Variants in CTSF observed in about 807,000 individuals in gnomAD.
CTSF encodes the protein cathepsin F.
In CTSF, 65 loss-of-function variants were observed where a neutral mutation model predicts 63.5. The observed-to-expected ratio is 1.02, with a 90% CI of 0.84 to 1.26. The LOEUF (loss-of-function observed/expected upper bound fraction) is 1.26. CTSF is among the 50% of genes most tolerant of loss of function. The probability of loss-of-function intolerance (pLI) is 0.00; values close to 1 mark genes in which losing one functional copy is unlikely to be tolerated. For missense variants in CTSF, 641 were observed against 631.0 expected, an observed-to-expected ratio of 1.02 and a Z score of -0.17; for synonymous variants, 256 against 258.1, an observed-to-expected ratio of 0.99 and a Z score of 0.08.
chr11:66,566,285 C>G lies in CTSF; in HGVS notation c.721+6G>C, dbSNP rs752659327. The G allele has an allele frequency of 6.2e-7, 1 of 1,614,172 alleles. No individual in the cohort carries two copies. Among genetic ancestry groups the G allele is most frequent in the East Asian group, 2.2e-5 (1 of 44,880 alleles). On this transcript the variant is annotated splice_donor_region_variant and intron_variant, in intron 5 of 12. Transcript: ENST00000310325. Reference sequence around the variant, plus strand: ...GATCCATGAGGACTGTGGCCACTATCCCTACCTGTGAGATCACTGAACTTG... The same window carrying G: ...GATCCATGAGGACTGTGGCCACTATGCCTACCTGTGAGATCACTGAACTTG...
chr11:66,567,884 C>T, intron 2 of CTSF, 100 bp downstream of exon 2: 1 of 1,458,176 alleles, frequency 6.9e-7, no homozygotes, highest in Non-Finnish European at 9.2e-7. Flanking sequence ...GGTGGGGCAG[C>T]AGCTACCTCA....
Position 66,564,634 on chromosome 11 carries a change from C to T in CTSF, c.1245G>A (p.Gly415=), listed in dbSNP as rs1055013673. The T allele has an allele frequency of 3.1e-6, 5 of 1,609,130 alleles. No homozygotes were observed. Among genetic ancestry groups the T allele is most frequent in the Non-Finnish European group, 4.2e-6 (5 of 1,177,756 alleles). ...AGAGGGGCCGGAGAGGGCGGGAGAT[C>T]CCGTGGCGGTAAAACTGGAGGTGGA... is the stretch of plus-strand genomic sequence containing the variant. The part of the protein sequence containing the change: ...NAFGMQFYRH[G]ISRPLRPLCS... Residue 415 remains glycine, a synonymous_variant, in exon 11 of 13, where the codon GGG becomes GGA. Coordinates refer to ENST00000310325, the MANE Select transcript of CTSF (RefSeq NM_003793.4).
At position 66,568,310 on chromosome 11, in the gene CTSF, C is replaced by T. The variant is rs533565350; in HGVS notation, c.177G>A (p.Arg59=). The T allele has an allele frequency of 4.5e-5, 60 of 1,335,026 alleles. 1 individual carries two copies. The South Asian group carries it at 1.1e-3, about 25-fold the overall frequency. 82.7% of individuals were successfully genotyped at this position (1,335,026 alleles called of 1,614,324 possible). A position where few individuals can be genotyped will look rare whatever the true frequency, so the allele number is the denominator to read the frequency against. ...GGCCGCGCACAAGGCCCAGCACGGC[C>T]CGCGTCCCCGCAGCCCGGCCGCGGT... is the stretch of plus-strand genomic sequence containing the variant. ...MFNRGRAAGT[R]AVLGLVRGRV... is the part of the protein sequence containing the mutation. Residue 59 remains arginine, a synonymous_variant, in exon 1 of 13, where the codon CGG becomes CGA. Transcript: ENST00000310325.
chr11:66,564,238 CCTA>C (rs1857875926), intron 11 of CTSF, 92 bp from the exon 12 acceptor site: 2 of 1,443,396 alleles, frequency 1.4e-6, no homozygotes, highest in African/African-American at 1.4e-5. Flanking sequence ...TTGCACTGGG[CCTA>C]CTGTGTGACA....
intron 8 of CTSF, 134 bp from the exon 9 acceptor site, chr11:66,565,140 A>C: frequency 7.1e-7 from 1 of 1,399,488 alleles, no homozygotes; most frequent in South Asian, 1.5e-5. Context: ...CCTCTGAAGA[A>C]TGTCTTCATT....
At chr11:66,564,282 C>A in intron 11 of CTSF, 136 bp from the exon 12 acceptor site, 2 of 1,146,072 alleles carry the variant, frequency 1.7e-6, no homozygotes, top group Non-Finnish European at 1.2e-6. Context: ...AAGCGAGGGG[C>A]CCACCTACCA....
rs200423355 is a variant in CTSF at position 66,565,961 on chromosome 11, G to A, written c.868-34C>T. On this transcript the variant is annotated intron_variant, in intron 6 of 12. Transcript: ENST00000310325. ...GATGGGTGGAGTTGGAGTCAGAGCCGGGCCCCTTCGTCAGCCCCAGTGCAG... is the reference window on the plus strand; with the variant it reads ...GATGGGTGGAGTTGGAGTCAGAGCCAGGCCCCTTCGTCAGCCCCAGTGCAG... 7.9e-4 allele frequency: 1,270 copies of A among 1,614,080 alleles called. No homozygotes were observed. Among genetic ancestry groups the A allele is most frequent in the Non-Finnish European group, 9.7e-4 (1,145 of 1,180,000 alleles).
chr11:66,568,019 T>A lies in CTSF; in HGVS notation c.277A>T (p.Met93Leu). 1 of 1,601,516 alleles carries A rather than the reference T, an allele frequency of 6.2e-7. No homozygotes were observed. The highest frequency in any genetic ancestry group is 1.1e-5 in the South Asian group (1 of 89,908). The change falls in exon 2 of 13, where the codon ATG (methionine) becomes TTG (leucine). Residue 93 changes from methionine (M) to leucine (L), a missense_variant. Coordinates refer to ENST00000310325, the MANE Select transcript of CTSF (RefSeq NM_003793.4). ...TLEEPPCNDP[M>L]VCRLPVSKKT... The stretch of plus-strand genomic sequence containing the variant: ...TTGGACACGGGGAGCCGGCACACCA[T>A]GGGGTCGTTGCAGGGTGGCTCCTCC...
Position 66,567,518 on chromosome 11 carries a change from G to A in CTSF, c.457C>T (p.Gln153Ter), listed in dbSNP as rs775543574. ...QGSAMISSLS[Q>*]NHPDNRNETF... ...TCGTTTCTGTTGTCTGGATGGTTTTGGGACAGAGAAGAAATCATGGCTGAG... is the reference window on the plus strand; with the variant it reads ...TCGTTTCTGTTGTCTGGATGGTTTTAGGACAGAGAAGAAATCATGGCTGAG... The change falls in exon 3 of 13, where the codon CAA becomes TAA. Residue 153 changes from glutamine to a stop codon, truncating the protein, a stop_gained. Transcript: ENST00000310325. LOFTEE classifies it high-confidence loss of function. 1 of 1,614,078 alleles carries A rather than the reference G, an allele frequency of 6.2e-7. No individual in the cohort carries two copies. Among genetic ancestry groups the A allele is most frequent in the South Asian group, 1.1e-5 (1 of 91,088 alleles).
At chr11:66,565,590 T>G in intron 8 of CTSF, 81 bp downstream of exon 8, 2 of 1,575,796 alleles carry the variant, frequency 1.3e-6, no homozygotes, top group Non-Finnish European at 1.7e-6. Flanking sequence ...CTCATGCTCA[T>G]GTCTCCCCCC....
At position 66,563,997 on chromosome 11, in the gene CTSF, T is replaced by C. The variant is rs979461288; in HGVS notation, c.1391A>G (p.Tyr464Cys). The C allele has an allele frequency of 6.2e-7, 1 of 1,613,532 alleles. No homozygotes were observed. Among genetic ancestry groups the C allele is most frequent in the Non-Finnish European group, 8.5e-7 (1 of 1,179,940 alleles). Residue 464 changes from tyrosine to cysteine, a missense_variant, in exon 13 of 13, where the codon TAC becomes TGC. Physicochemically the swap from Tyr to Cys is radical, Grantham distance 194. Transcript: ENST00000310325. ...GTDWGEKGYYYLHRGSGACGV... is the reference protein window; with the variant it reads ...GTDWGEKGYYCLHRGSGACGV... Reference sequence around the variant, plus strand: ...ACAGGCCCCGGACCCACGATGCAAGTAGTAGTAACCCTGGGGGAGAGGGGG... The same window carrying C: ...ACAGGCCCCGGACCCACGATGCAAGCAGTAGTAACCCTGGGGGAGAGGGGG...
At position 66,568,474 on chromosome 11, in the gene CTSF, GC is replaced by G. The variant is rs1171463654; in HGVS notation, c.12del (p.Trp4CysfsTer144). The G allele has an allele frequency of 2.7e-6, 4 of 1,474,804 alleles. No homozygotes were observed. The African/African-American group carries it at 5.9e-5, about 22-fold the overall frequency. The allele number at this position is 1,474,804 out of a possible 1,614,324, so 91.4% of individuals were successfully genotyped here. On this transcript the variant is annotated frameshift_variant, in exon 1 of 13. Transcript: ENST00000310325. LOFTEE classifies it high-confidence loss of function. ...AGCCCCAGCAGCGACAGGAGCTGCA[GC>G]CAGGGCGCCATGGCGAGGGCGAAGC... MAP[W>X]LQLLSLLGLL...
chr11:66,565,924 T>C lies in CTSF; in HGVS notation c.871A>G (p.Met291Val). 7 of 1,614,066 alleles carry C rather than the reference T, an allele frequency of 4.3e-6. No individual in the cohort carries two copies. Among genetic ancestry groups the C allele is most frequent in the Non-Finnish European group, 5.1e-6 (6 of 1,180,026 alleles). ...GAGAAGGCCCAGCAGGAGCCACACA[T>C]GCCCTACAAGAGATGGGTGGAGTTG... ...GAVTKVKDQG[M>V]CGSCWAFSVT... The change falls in exon 7 of 13, where the codon ATG becomes GTG. Residue 291 changes from methionine (M) to valine (V), a missense_variant. Met to Val is a conservative substitution (Grantham distance 21, BLOSUM62 1). Coordinates refer to ENST00000310325, the MANE Select transcript of CTSF (RefSeq NM_003793.4).
chr11:66,564,603 G>A lies in CTSF; in HGVS notation c.1276C>T (p.Pro426Ser), dbSNP rs745759723. 1 of 1,597,568 alleles carries A rather than the reference G, an allele frequency of 6.3e-7. No individual in the cohort carries two copies. Among genetic ancestry groups the A allele is most frequent in the Non-Finnish European group, 8.5e-7 (1 of 1,172,612 alleles). Reference sequence around the variant, plus strand: ...AACACCGCATGGTCAATGAGCCAAGGGCTGCAGAGGGGCCGGAGAGGGCGG... The same window carrying A: ...AACACCGCATGGTCAATGAGCCAAGAGCTGCAGAGGGGCCGGAGAGGGCGG... ...ISRPLRPLCS[P>S]WLIDHAVLLV... The change falls in exon 11 of 13, where the codon CCT becomes TCT. Residue 426 changes from proline to serine, a missense_variant. Transcript: ENST00000310325.
chr11:66,568,164 C>G, intron 1 of CTSF, 82 bp from the exon 2 acceptor site: 1 of 1,557,214 alleles, frequency 6.4e-7, no homozygotes, highest in Non-Finnish European at 8.7e-7. Context: ...TGCCCATTCC[C>G]CATCACCAGA....
In CTSF at chr11:66,566,171, C is replaced by T. The variant is rs780325681; in HGVS notation, c.722-4G>A. 34 of 1,613,852 alleles carry T rather than the reference C, an allele frequency of 2.1e-5. No individual in the cohort carries two copies. Among genetic ancestry groups the T allele is most frequent in the South Asian group, 1.3e-4 (12 of 91,076 alleles). On this transcript the variant is annotated splice_polypyrimidine_tract_variant and splice_region_variant and intron_variant, in intron 5 of 12. Transcript: ENST00000310325. Reference sequence around the variant, plus strand: ...TAGATAGTGCGGAACTCCTCCTCTGCGGGCAAAGGTGGGCAGGGCATGGGG... The same window carrying T: ...TAGATAGTGCGGAACTCCTCCTCTGTGGGCAAAGGTGGGCAGGGCATGGGG...
chr11:66,564,245 T>C, intron 11 of CTSF, 99 bp from the exon 12 acceptor site: 1 of 1,402,988 alleles, frequency 7.1e-7, no homozygotes, highest in Non-Finnish European at 9.8e-7. Flanking sequence ...GGGCCTACTG[T>C]GTGACAGGGA....
Position 66,563,479 on chromosome 11 carries a change from C to T in CTSF, c.*454G>A. 2.2e-6 allele frequency: 1 copy of T among 461,432 alleles called. No individual in the cohort carries two copies. The highest frequency in any genetic ancestry group is 4.5e-5 in the South Asian group (1 of 22,364). 28.6% of individuals were successfully genotyped at this position (461,432 alleles called of 1,614,324 possible). On this transcript the variant is annotated 3_prime_UTR_variant, in exon 13 of 13. Coordinates refer to ENST00000310325, the MANE Select transcript of CTSF (RefSeq NM_003793.4). ...TATACCACACTCGGGACAAGGACAC[C>T]TCTTTATTGCTGTTAGAAAAGGGTG... is the stretch of plus-strand genomic sequence containing the variant.
intron 1 of CTSF, 44 bp from the exon 2 acceptor site, chr11:66,568,126 G>T: frequency 6.3e-7 from 1 of 1,589,640 alleles, no homozygotes; most frequent in Non-Finnish European, 8.5e-7. Context: ...GGCCCTTGAC[G>T]GCGCCCAAGG....
Sources: gnomAD v4.1 joint callset for allele counts on GRCh38, gnomAD v4.1.1 for gene constraint, MANE v1.5 for transcripts, NCBI Gene and HGNC (gene_info 2026-07-23, HGNC 2026-07-21) for gene names.